C8orf34: variants seen among roughly 807,000 people sequenced by gnomAD.
C8orf34 encodes the protein uncharacterized protein C8orf34.
A neutral mutation model predicts 68.3 loss-of-function variants in C8orf34; 65 were observed. The observed-to-expected ratio is 0.95, with a 90% CI of 0.78 to 1.17. The LOEUF is 1.17. Among genes scored for constraint, C8orf34 ranks in the 50% most tolerant of loss-of-function variants. C8orf34 has a pLI of 0.00. For synonymous variants in C8orf34, 244 were observed against 241.2 expected (o/e 1.01, Z -0.11); for missense variants, 664 against 655.4 (o/e 1.01, Z -0.14).
intron 8 of C8orf34, among the ~76,000 whole-genome samples, chr8:68,670,896 T>A (rs1819988720): frequency 6.6e-6 from 1 of 152,228 alleles, no homozygotes; most frequent in African/African-American, 2.4e-5. Context: ...TGAAAATTAT[T>A]ATAAATTGTG....
intron 8 of C8orf34, among the ~76,000 whole-genome samples, chr8:68,666,404 G>T (rs1189837916): frequency 2.0e-5 from 3 of 152,166 alleles, no homozygotes; most frequent in Admixed American, 2.0e-4. Flanking sequence ...TTTTGGAGTG[G>T]ACAACCTAAG....
intron 1 of C8orf34, among the ~76,000 whole-genome samples, chr8:68,423,116 A>C (rs1219658013): frequency 6.6e-6 from 1 of 152,170 alleles, no homozygotes; most frequent in Non-Finnish European, 1.5e-5. Flanking sequence ...ATTGTCTTGG[A>C]GATTAACATT....
At chr8:68,509,274 T>C (rs1018068517) in intron 5 of C8orf34, among the ~76,000 whole-genome samples, 1 of 152,090 alleles carries the variant, frequency 6.6e-6, no homozygotes, top group Non-Finnish European at 1.5e-5. Context: ...TGCCTGGAGT[T>C]TGATTGCCTG....
intron 8 of C8orf34, among the ~76,000 whole-genome samples, chr8:68,669,052 A>G (rs1650534569): frequency 6.6e-6 from 1 of 152,192 alleles, no homozygotes; most frequent in Non-Finnish European, 1.5e-5. Flanking sequence ...GAACTGTGAG[A>G]TAATAAATGA....
intron 10 of C8orf34, among the ~76,000 whole-genome samples, chr8:68,755,237 AT>A (rs1822821156): frequency 6.6e-6 from 1 of 152,184 alleles, no homozygotes; most frequent in Admixed American, 6.5e-5. Context: ...AACTGTCAAG[AT>A]TCAGTGATGA....
chr8:68,693,757 T>C (rs1286684100), intron 8 of C8orf34, among the ~76,000 whole-genome samples: 1 of 152,032 alleles, frequency 6.6e-6, no homozygotes, highest in Non-Finnish European at 1.5e-5. Flanking sequence ...AGAATTTGAG[T>C]TTCAGCATCT....
intron 1 of C8orf34, among the ~76,000 whole-genome samples, chr8:68,351,779 T>A (rs1275101966): frequency 6.6e-6 from 1 of 152,078 alleles, no homozygotes; most frequent in African/African-American, 2.4e-5. Context: ...AACTGCCAAA[T>A]TGTCTTCCAA....
chr8:68,690,751 AC>A (rs1416803468), intron 8 of C8orf34, among the ~76,000 whole-genome samples: 1 of 152,072 alleles, frequency 6.6e-6, no homozygotes, highest in Admixed American at 6.6e-5. Context: ...TGAAATGGTA[AC>A]CCTCATTAGG....
chr8:68,727,704 C>A (rs1053735855), intron 10 of C8orf34, among the ~76,000 whole-genome samples: 2 of 152,214 alleles, frequency 1.3e-5, no homozygotes, highest in Non-Finnish European at 2.9e-5. Flanking sequence ...TGCTCAACAC[C>A]ACAAAGGTGC....
intron 3 of C8orf34, among the ~76,000 whole-genome samples, chr8:68,465,907 T>A (rs1245039395): frequency 3.3e-5 from 5 of 151,580 alleles, no homozygotes; most frequent in Non-Finnish European, 5.9e-5. Flanking sequence ...CATATGTAAC[T>A]GACCTGCACA....
At chr8:68,451,028 G>T (rs1811322049) in intron 3 of C8orf34, among the ~76,000 whole-genome samples, 1 of 152,062 alleles carries the variant, frequency 6.6e-6, no homozygotes, top group African/African-American at 2.4e-5. Context: ...AACTATCTTA[G>T]CTAGATCTTC....
chr8:68,725,417 A>T (rs1382415304), intron 10 of C8orf34, among the ~76,000 whole-genome samples: 2 of 152,300 alleles, frequency 1.3e-5, no homozygotes, highest in East Asian at 1.9e-4. Context: ...GTCTTCTGTA[A>T]AAAAGGTTTC....
intron 10 of C8orf34, among the ~76,000 whole-genome samples, chr8:68,762,466 A>G (rs934423868): frequency 1.3e-5 from 2 of 152,234 alleles, no homozygotes; most frequent in African/African-American, 2.4e-5. Context: ...TTGAAAGTCC[A>G]TAAAATTACA....
intron 7 of C8orf34, among the ~76,000 whole-genome samples, chr8:68,591,147 G>T (rs767817086): frequency 2.4e-4 from 36 of 152,134 alleles, no homozygotes; most frequent in Non-Finnish European, 4.0e-4. Flanking sequence ...GATAAGCTGA[G>T]ATATGGCATG....
At chr8:68,549,662 G>C (rs965584674) in intron 7 of C8orf34, among the ~76,000 whole-genome samples, 13 of 151,578 alleles carry the variant, frequency 8.6e-5, no homozygotes, top group East Asian at 5.8e-4. Context: ...CTTGAAATTT[G>C]GTCTTGCTTC....
chr8:68,568,044 A>G (rs536096747), intron 7 of C8orf34, among the ~76,000 whole-genome samples: 1 of 152,062 alleles, frequency 6.6e-6, no homozygotes, highest in African/African-American at 2.4e-5. Context: ...AGAAGCAGAG[A>G]GATAGGGGGA....
At chr8:68,619,651 G>A (rs1586462794) in intron 7 of C8orf34, among the ~76,000 whole-genome samples, 4 of 152,264 alleles carry the variant, frequency 2.6e-5, no homozygotes, top group Admixed American at 2.6e-4. Context: ...ATGTTTCAAA[G>A]CTAACTTCTT....
intron 10 of C8orf34, among the ~76,000 whole-genome samples, chr8:68,765,215 G>A (rs67892878): frequency 0.29 from 43,565 of 152,062 alleles, 6,750 homozygotes; most frequent in African/African-American, 0.39. Context: ...TGGTGTTATC[G>A]CCATTTACAG....
intron 7 of C8orf34, among the ~76,000 whole-genome samples, chr8:68,610,162 A>G (rs574123797): frequency 8.5e-5 from 13 of 152,328 alleles, no homozygotes; most frequent in South Asian, 2.1e-4. Context: ...TTACAGAAAT[A>G]AGCCTCAACA....
Sources: gnomAD v4.1 joint callset for allele counts (sites outside exome capture counted in the v4.1 genomes callset) on GRCh38, gnomAD v4.1.1 for gene constraint, MANE v1.5 for transcripts, NCBI Gene and HGNC (gene_info 2026-07-23, HGNC 2026-07-21) for gene names.